MNDA: variants seen among roughly 807,000 people sequenced by gnomAD.
MNDA encodes epididymis secretory sperm binding protein.
A neutral mutation model predicts 37.8 loss-of-function variants in MNDA; 43 were observed. That is an observed-to-expected ratio of 1.14 (90% CI 0.89 to 1.47). The LOEUF (loss-of-function observed/expected upper bound fraction) is 1.47. Among genes scored for constraint, MNDA ranks in the 40% most tolerant of loss-of-function variants. MNDA has a pLI of 0.00. For missense variants in MNDA, 536 were observed against 476.0 expected (o/e 1.13, Z -1.17); for synonymous variants, 181 against 169.0 (o/e 1.07, Z -0.55).
intron 5 of MNDA, among the ~76,000 whole-genome samples, 180 bp from the exon 6 acceptor site, chr1:158,847,548 G>A (rs1317404233): frequency 2.6e-5 from 4 of 151,618 alleles, no homozygotes; most frequent in Admixed American, 6.6e-5. Flanking sequence ...ACCTTAAGCA[G>A]GAAAAAAAAA....
chr1:158,841,090 C>T (rs572220005), intron 1 of MNDA, among the ~76,000 whole-genome samples: 18 of 152,186 alleles, frequency 1.2e-4, no homozygotes, highest in African/African-American at 3.9e-4. Context: ...GAAGATAAAG[C>T]CTCAATTAAG....
At chr1:158,831,766 G>A (rs1303278906) in intron 1 of MNDA, among the ~76,000 whole-genome samples, 1 of 152,092 alleles carries the variant, frequency 6.6e-6, no homozygotes, top group African/African-American at 2.4e-5. Context: ...AATGTATTTT[G>A]TCTACAGCAG....
At chr1:158,842,668 G>C in intron 2 of MNDA, 1 of 322,876 alleles carries the variant, frequency 3.1e-6, no homozygotes, top group Non-Finnish European at 5.7e-6. Flanking sequence ...TTTATGAGAC[G>C]GTGAGTGTTT....
chr1:158,839,272 C>T (rs1045430289), intron 1 of MNDA, among the ~76,000 whole-genome samples: 1 of 152,080 alleles, frequency 6.6e-6, no homozygotes, highest in African/African-American at 2.4e-5. Context: ...TCTCTGAGGC[C>T]TATATGGACG....
At chr1:158,844,388 A>G (rs1659092657) in intron 4 of MNDA, among the ~76,000 whole-genome samples, 1 of 151,526 alleles carries the variant, frequency 6.6e-6, no homozygotes, top group Non-Finnish European at 1.5e-5. Context: ...CCTGGCTCCT[A>G]GTACCAGTAC....
chr1:158,834,430 A>G (rs1658869380), intron 1 of MNDA, among the ~76,000 whole-genome samples: 1 of 151,758 alleles, frequency 6.6e-6, no homozygotes, highest in Non-Finnish European at 1.5e-5. Flanking sequence ...AAGGGGTTTC[A>G]CCGTGTTTAT....
intron 1 of MNDA, among the ~76,000 whole-genome samples, chr1:158,836,129 G>A (rs73015596): frequency 4.1e-4 from 58 of 140,954 alleles, no homozygotes; most frequent in African/African-American, 1.1e-3. Context: ...AATTATGTTC[G>A]CTAGCATTTT....
At chr1:158,841,437 G>T (rs766328847) in intron 1 of MNDA, among the ~76,000 whole-genome samples, 1 of 152,144 alleles carries the variant, frequency 6.6e-6, no homozygotes, top group African/African-American at 2.4e-5. Context: ...CTAGTTGGAG[G>T]TAAATAATTG....
In MNDA at chr1:158,845,842, G is replaced by C; in HGVS notation, c.826G>C (p.Gly276Arg). Residue 276 changes from glycine (G) to arginine (R), a missense_variant, in exon 5 of 7, where the codon GGA becomes CGA. Coordinates refer to ENST00000368141, the MANE Select transcript of MNDA (RefSeq NM_002432.3). Reference sequence around the variant, plus strand: ...CATATCTGATTACTCTGAATGTAAAGGAGTAATGGAAATAAAGGAAGCATC... The same window carrying C: ...CATATCTGATTACTCTGAATGTAAACGAGTAATGGAAATAAAGGAAGCATC... ...ITISDYSECKGVMEIKEASSV... is the reference protein window; with the variant it reads ...ITISDYSECKRVMEIKEASSV... The C allele has an allele frequency of 1.2e-6, 2 of 1,614,128 alleles. No homozygotes were observed. The highest frequency in any genetic ancestry group is 3.3e-5 in the Admixed American group (2 of 60,018).
At position 158,844,196 on chromosome 1, in the gene MNDA, C is replaced by T. The variant is rs560943988; in HGVS notation, c.570+74C>T. The T allele has an allele frequency of 1.7e-5, 22 of 1,292,218 alleles. No homozygotes were observed. The East Asian group carries it at 4.5e-4, about 26-fold the overall frequency. The allele number at this position is 1,292,218 out of a possible 1,614,324, so 80.0% of individuals were successfully genotyped here. On this transcript the variant is annotated intron_variant, in intron 4 of 6. Transcript: ENST00000368141. ...GTGCATTCCACTGTTACTATTGTTA[C>T]TCTCATGCATAACTCTTCATATTAC...
intron 1 of MNDA, among the ~76,000 whole-genome samples, chr1:158,833,397 A>G (rs1471045913): frequency 2.6e-5 from 4 of 152,234 alleles, no homozygotes; most frequent in South Asian, 2.1e-4. Flanking sequence ...AGTATTAAAT[A>G]CATTCATATT....
intron 2 of MNDA, 29 bp from the exon 3 acceptor site, chr1:158,843,250 A>T: frequency 1.3e-6 from 2 of 1,594,526 alleles, no homozygotes; most frequent in Non-Finnish European, 1.7e-6. Flanking sequence ...CTCTAGGCCT[A>T]TTGTGCCCTT....
rs769642124 is a variant in MNDA at position 158,847,715 on chromosome 1, T to C, written c.988-13T>C. ...AATCCTCTCAGAAACAGGATGTTAA[T>C]CTTCTTTTGCAGAAAAGCGTACACA... is the stretch of plus-strand genomic sequence containing the variant. On this transcript the variant is annotated splice_polypyrimidine_tract_variant and intron_variant, in intron 5 of 6. Transcript: ENST00000368141. 2.5e-6 allele frequency: 4 copies of C among 1,605,554 alleles called. No individual in the cohort carries two copies. Among genetic ancestry groups the C allele is most frequent in the Admixed American group, 3.4e-5 (2 of 59,068 alleles).
intron 5 of MNDA, among the ~76,000 whole-genome samples, chr1:158,847,161 G>T (rs1272861036): frequency 6.6e-6 from 1 of 152,176 alleles, no homozygotes; most frequent in Non-Finnish European, 1.5e-5. Flanking sequence ...TCAGAAGCGG[G>T]AGGCTGGGAG....
chr1:158,845,453 G>T, intron 4 of MNDA, 134 bp from the exon 5 acceptor site: 1 of 787,812 alleles, frequency 1.3e-6, no homozygotes. Flanking sequence ...TGTTAGCCAG[G>T]ATGGTCTCGA....
chr1:158,845,655 A>G lies in MNDA; in HGVS notation c.639A>G (p.Thr213=). The G allele has an allele frequency of 6.2e-7, 1 of 1,614,098 alleles. No individual in the cohort carries two copies. Among genetic ancestry groups the G allele is most frequent in the Non-Finnish European group, 8.5e-7 (1 of 1,179,962 alleles). ...RRNVPQNDPV[T]VVVLKATAPF... The stretch of plus-strand genomic sequence containing the variant: ...ATGTTCCCCAAAACGACCCAGTGAC[A>G]GTGGTGGTACTGAAAGCAACAGCGC... The change falls in exon 5 of 7, where the codon ACA becomes ACG. Residue 213 remains threonine (T), a synonymous_variant. Coordinates refer to ENST00000368141, the MANE Select transcript of MNDA (RefSeq NM_002432.3).
intron 1 of MNDA, among the ~76,000 whole-genome samples, chr1:158,831,902 A>C (rs1398408332): frequency 6.6e-6 from 1 of 152,196 alleles, no homozygotes; most frequent in Non-Finnish European, 1.5e-5. Context: ...CAAGACAGTC[A>C]GATAAGAAAA....
intron 2 of MNDA, 124 bp downstream of exon 2, chr1:158,842,542 G>C: frequency 5.8e-6 from 6 of 1,028,278 alleles, no homozygotes; most frequent in Non-Finnish European, 1.4e-6. Flanking sequence ...TCATGGGGAT[G>C]TTGGCACCTC....
chr1:158,845,442 A>T, intron 4 of MNDA, 145 bp from the exon 5 acceptor site: 1 of 729,412 alleles, frequency 1.4e-6, no homozygotes, highest in Non-Finnish European at 2.2e-6. Flanking sequence ...GGGTTTCACC[A>T]TGTTAGCCAG....
Sources: gnomAD v4.1 joint callset for allele counts (sites outside exome capture counted in the v4.1 genomes callset) on GRCh38, gnomAD v4.1.1 for gene constraint, MANE v1.5 for transcripts, NCBI Gene and HGNC (gene_info 2026-07-23, HGNC 2026-07-21) for gene names.